Variants in CTNNA2 observed in about 807,000 individuals in gnomAD.
The protein encoded by CTNNA2 is catenin alpha-2.
A neutral mutation model predicts 101.0 loss-of-function variants in CTNNA2; 42 were observed. That is an observed-to-expected ratio of 0.42 (90% confidence interval 0.32 to 0.54). The LOEUF is 0.54. CTNNA2 is among the 20% of genes least tolerant of loss of function. The pLI, the probability that CTNNA2 is intolerant of heterozygous loss-of-function variation, is 0.14. For missense variants in CTNNA2, 871 were observed against 1,223.1 expected (o/e 0.71, Z 4.29); for synonymous variants, 450 against 456.4 (o/e 0.99, Z 0.18).
At chr2:80,405,333 T>C (rs577770189) in intron 8 of CTNNA2, among the ~76,000 whole-genome samples, 1 of 152,300 alleles carries the variant, frequency 6.6e-6, no homozygotes, top group South Asian at 2.1e-4. Flanking sequence ...CTTGCTGATA[T>C]AAAACTCATA....
chr2:80,022,439 G>C (rs116278305), intron 7 of CTNNA2, among the ~76,000 whole-genome samples: 1 of 152,136 alleles, frequency 6.6e-6, no homozygotes, highest in Non-Finnish European at 1.5e-5. Context: ...GTGGGAAAGC[G>C]TTTGATCTGA....
chr2:79,557,616 G>A (rs1558727879), intron 1 of CTNNA2, among the ~76,000 whole-genome samples: 1 of 151,794 alleles, frequency 6.6e-6, no homozygotes, highest in African/African-American at 2.4e-5. Flanking sequence ...CTAAACCCTT[G>A]GAAAATTATA....
At chr2:79,918,152 A>T (rs1270762401) in intron 7 of CTNNA2, among the ~76,000 whole-genome samples, 4 of 151,992 alleles carry the variant, frequency 2.6e-5, no homozygotes, top group African/African-American at 9.7e-5. Flanking sequence ...CTGCCCTCTA[A>T]CCCAACATTT....
intron 2 of CTNNA2, among the ~76,000 whole-genome samples, chr2:79,706,220 G>A (rs1026136749): frequency 1.3e-5 from 2 of 151,814 alleles, no homozygotes; most frequent in Admixed American, 6.6e-5. Context: ...AAAAATATGC[G>A]GGCGTGGTGG....
chr2:80,179,770 C>A (rs1573316079), intron 7 of CTNNA2, among the ~76,000 whole-genome samples: 1 of 152,130 alleles, frequency 6.6e-6, no homozygotes, highest in Admixed American at 6.6e-5. Context: ...TACTATCTTT[C>A]TAGGTAGAGG....
intron 3 of CTNNA2, among the ~76,000 whole-genome samples, chr2:79,792,608 T>TG (rs1675370140): frequency 6.6e-6 from 1 of 151,516 alleles, no homozygotes; most frequent in African/African-American, 2.4e-5. Context: ...CTACCTTTTT[T>TG]GGGAAAAAAA....
Position 80,303,968 on chromosome 2 carries a change from C to T in CTNNA2, c.1057-89243C>T, listed in dbSNP as rs899426304. ...ATAAATACATAGAAATAAAGAAGGA[C>T]CCCCCTCCCCAAAAACCACACGTTC... On this transcript the variant is annotated intron_variant, in intron 7 of 18. Coordinates refer to ENST00000402739, the MANE Select transcript of CTNNA2 (RefSeq NM_001282597.3). This position sits in a 1 kb window ranked among gnomAD's most constrained non-coding sequence, Gnocchi z 7.7. The T allele has an allele frequency of 5.4e-6, 5 of 928,218 alleles. No homozygotes were observed. The highest frequency in any genetic ancestry group is 3.6e-5 in the Admixed American group (1 of 27,846). 57.5% of individuals were successfully genotyped at this position (928,218 alleles called of 1,614,324 possible).
At chr2:80,578,572 C>A (rs1010683672) in intron 13 of CTNNA2, among the ~76,000 whole-genome samples, 3 of 152,200 alleles carry the variant, frequency 2.0e-5, no homozygotes, top group Non-Finnish European at 4.4e-5. Flanking sequence ...TAGCAAACTG[C>A]ACATGCACAG....
At chr2:80,388,648 C>T (rs1292111850) in intron 7 of CTNNA2, among the ~76,000 whole-genome samples, 3 of 152,214 alleles carry the variant, frequency 2.0e-5, no homozygotes, top group Non-Finnish European at 2.9e-5. Flanking sequence ...GTGGTTACAA[C>T]TAATTGGCTT....
chr2:79,411,656 G>C (rs1301287665), intron 4 of CTNNA2, among the ~76,000 whole-genome samples: 1 of 152,046 alleles, frequency 6.6e-6, no homozygotes, highest in Non-Finnish European at 1.5e-5. Context: ...AGCTTCATAA[G>C]TGAAGGAGAA....
Position 80,145,897 on chromosome 2 carries a change from G to A in CTNNA2, c.1056+236100G>A, listed in dbSNP as rs187064072. On this transcript the variant is annotated intron_variant, in intron 7 of 18. Coordinates refer to ENST00000402739, the MANE Select transcript of CTNNA2 (RefSeq NM_001282597.3). ...GATTATAGATGTCTAAAGATGTCTCGTGTAATATTTTTACCACTTCTGCCA... is the reference window on the plus strand; with the variant it reads ...GATTATAGATGTCTAAAGATGTCTCATGTAATATTTTTACCACTTCTGCCA... Among the ~76,000 whole-genome samples, 7 of 152,314 alleles carry A rather than the reference G, an allele frequency of 4.6e-5. No individual in the cohort carries two copies. The East Asian group carries it at 9.6e-4, about 21-fold the overall frequency.
intron 7 of CTNNA2, chr2:80,027,972 C>CACA (rs1695040727): frequency 1.0e-4 from 2 of 19,838 alleles, no homozygotes; most frequent in Non-Finnish European, 2.0e-4. Flanking sequence ...GACCCTGTCT[C>CACA]AAAAAAAAAA....
rs951335202 is a variant in CTNNA2 at position 80,586,783 on chromosome 2, C to T, written c.2008-2521C>T. On this transcript the variant is annotated intron_variant, in intron 14 of 18. Coordinates refer to ENST00000402739, the MANE Select transcript of CTNNA2 (RefSeq NM_001282597.3). ...TTTTAAATATGGATTAAAATTTACA[C>T]GTACACACGCATATCCAAACATACA... Among the ~76,000 whole-genome samples the T allele has an allele frequency of 2.6e-5, 4 of 152,260 alleles. No homozygotes were observed. In the East Asian group the frequency reaches 5.8e-4, roughly 22 times the overall value.
At chr2:80,463,540 G>A (rs1684620407) in intron 9 of CTNNA2, among the ~76,000 whole-genome samples, 1 of 152,134 alleles carries the variant, frequency 6.6e-6, no homozygotes, top group Non-Finnish European at 1.5e-5. Flanking sequence ...TCCTTAGAAT[G>A]TTTGGGAGTT....
chr2:79,665,003 T>G (rs1023943126), intron 2 of CTNNA2, among the ~76,000 whole-genome samples: 2 of 152,088 alleles, frequency 1.3e-5, no homozygotes, highest in Non-Finnish European at 2.9e-5. Flanking sequence ...GAGCCACCGT[T>G]CCCGGCCCAC....
intron 4 of CTNNA2, among the ~76,000 whole-genome samples, chr2:79,452,258 T>G (rs559800833): frequency 6.6e-6 from 1 of 152,146 alleles, no homozygotes; most frequent in South Asian, 2.1e-4. Context: ...TCTAAGTGCC[T>G]AACGTGTATC....
At chr2:79,712,897 G>A (rs1221798341) in intron 2 of CTNNA2, among the ~76,000 whole-genome samples, 2 of 152,098 alleles carry the variant, frequency 1.3e-5, no homozygotes, top group Non-Finnish European at 2.9e-5. Flanking sequence ...CAAAGCTCTA[G>A]ATTTGCCATA....
rs565240049 is a variant in CTNNA2 at position 80,093,528 on chromosome 2, G to C, written c.1056+183731G>C. Among the ~76,000 whole-genome samples, 6 of 152,262 alleles carry C rather than the reference G, an allele frequency of 3.9e-5. No individual in the cohort carries two copies. In the East Asian group the frequency reaches 1.2e-3, roughly 29 times the overall value. ...CCTTTGGGTATATATCCAGTAATGG[G>C]ATGGCTGGGTCAAATGGTATTTCTA... On this transcript the variant is annotated intron_variant, in intron 7 of 18. Transcript: ENST00000402739.
intron 9 of CTNNA2, among the ~76,000 whole-genome samples, chr2:80,445,732 T>C (rs1683016683): frequency 6.6e-6 from 1 of 152,202 alleles, no homozygotes; most frequent in African/African-American, 2.4e-5. Flanking sequence ...ATTGTTGCTA[T>C]AGTCAGTGTC....
Sources: gnomAD v4.1 joint callset for allele counts (sites outside exome capture counted in the v4.1 genomes callset) on GRCh38, gnomAD v4.1.1 for gene constraint, Gnocchi (gnomAD v3.1) non-coding constraint, MANE v1.5 for transcripts, NCBI Gene and HGNC (gene_info 2026-07-23, HGNC 2026-07-21) for gene names.